The following STARD13 variants were observed in gnomAD, a reference collection of about 807,000 sequenced individuals.
STARD13 encodes the protein stAR-related lipid transfer protein 13.
In STARD13, 62 loss-of-function variants were observed where a neutral mutation model predicts 106.4. The ratio of observed to expected loss-of-function variants is 0.58; its 90% CI spans 0.48 to 0.72. The LOEUF is 0.72. Among genes scored for constraint, STARD13 ranks in the 30% least tolerant of loss-of-function variants. The probability of loss-of-function intolerance (pLI) is 0.00; values close to 1 mark genes in which losing one functional copy is unlikely to be tolerated. For synonymous variants in STARD13, 565 were observed against 553.0 expected (o/e 1.02, Z -0.31); for missense variants, 1,387 against 1,424.0 (o/e 0.97, Z 0.42).
chr13:33,453,230 A>C, the STARD13 span, among the ~76,000 whole-genome samples: 38 of 152,218 alleles, frequency 2.5e-4, no homozygotes, highest in Admixed American at 3.9e-4. Context: ...TAAAAACCAA[A>C]CAAACAAAAA....
chr13:33,227,022 C>A (rs558261970), intron 1 of STARD13, among the ~76,000 whole-genome samples: 42 of 152,296 alleles, frequency 2.8e-4, no homozygotes, highest in Admixed American at 2.7e-3. Context: ...GATTAAGAAC[C>A]TCTGCCCCAG....
At chr13:33,424,842 A>G in the STARD13 span, among the ~76,000 whole-genome samples, 1 of 152,234 alleles carries the variant, frequency 6.6e-6, no homozygotes, top group African/African-American at 2.4e-5. Context: ...TCTAACTTTG[A>G]GAAAACTTGC....
intron 1 of STARD13, among the ~76,000 whole-genome samples, chr13:33,192,007 C>A (rs909181947): frequency 2.6e-5 from 4 of 152,176 alleles, no homozygotes; most frequent in African/African-American, 4.8e-5. Context: ...GTGCACATGG[C>A]CTTGGATGGT....
chr13:33,414,046 A>G, the STARD13 span, among the ~76,000 whole-genome samples: 439 of 151,486 alleles, frequency 2.9e-3, 11 homozygotes, highest in Admixed American at 0.026. Context: ...AAAAAAAAAA[A>G]AAAAGAAAAG....
chr13:33,443,238 G>A, the STARD13 span, among the ~76,000 whole-genome samples: 2 of 151,964 alleles, frequency 1.3e-5, no homozygotes, highest in South Asian at 2.1e-4. Context: ...TTAGCCAGGC[G>A]TGGTGGCAGG....
chr13:33,517,941 C>A, the STARD13 span, among the ~76,000 whole-genome samples: 8 of 151,826 alleles, frequency 5.3e-5, no homozygotes, highest in Non-Finnish European at 1.0e-4. Context: ...TGGCTGCTCC[C>A]TGCCACACTC....
intron 1 of STARD13, among the ~76,000 whole-genome samples, chr13:33,342,914 G>T (rs540301359): frequency 6.6e-6 from 1 of 152,164 alleles, no homozygotes; most frequent in East Asian, 1.9e-4. Flanking sequence ...TAACCAAAGA[G>T]CCCCCCAGGA....
chr13:33,481,957 T>C, the STARD13 span, among the ~76,000 whole-genome samples: 1 of 143,180 alleles, frequency 7.0e-6, no homozygotes, highest in South Asian at 2.2e-4. Context: ...CACTCCAGCC[T>C]GGGCTACAGA....
intron 1 of STARD13, among the ~76,000 whole-genome samples, chr13:33,217,213 C>G (rs1888094092): frequency 1.3e-5 from 2 of 152,122 alleles, no homozygotes; most frequent in Non-Finnish European, 2.9e-5. Flanking sequence ...CCTATCATAG[C>G]CCACAGGACA....
intron 1 of STARD13, among the ~76,000 whole-genome samples, chr13:33,294,969 G>A (rs1298165061): frequency 6.6e-6 from 1 of 152,120 alleles, no homozygotes; most frequent in Non-Finnish European, 1.5e-5. Context: ...ACGATTGTCT[G>A]CTGACCTGTT....
chr13:33,165,374 C>A lies in STARD13; in HGVS notation c.286G>T (p.Asp96Tyr). 2 of 1,613,956 alleles carry A rather than the reference C, an allele frequency of 1.2e-6. No individual in the cohort carries two copies. The highest frequency in any genetic ancestry group is 1.7e-6 in the Non-Finnish European group (2 of 1,179,894). The change falls in exon 3 of 14, where the codon GAT becomes TAT. Residue 96 changes from aspartate to tyrosine, a missense_variant. By Grantham distance (160) the Asp-to-Tyr change is radical (BLOSUM62 -3). Coordinates refer to ENST00000336934, the MANE Select transcript of STARD13 (RefSeq NM_178006.4). ...TCTACAAGGTCCTTTTCAAGAAAAT[C>A]ATGATCATTCTTGACAGCCACAATG... is the stretch of plus-strand genomic sequence containing the variant. ...INIVAVKNDH[D>Y]FLEKDLVEPL...
chr13:33,484,090 A>G, the STARD13 span, among the ~76,000 whole-genome samples: 2 of 152,204 alleles, frequency 1.3e-5, no homozygotes, highest in Admixed American at 6.5e-5. Flanking sequence ...TGAGAAAATT[A>G]AGACAGTGGA....
chr13:33,287,906 G>GAAAAGGTA (rs1418350072), upstream of STARD13, among the ~76,000 whole-genome samples: 2 of 152,062 alleles, frequency 1.3e-5, no homozygotes, highest in Non-Finnish European at 2.9e-5. Flanking sequence ...TAAAGGTGAG[G>GAAAAGGTA]AAAAGGTAAA....
chr13:33,500,550 A>G, the STARD13 span, among the ~76,000 whole-genome samples: 3 of 152,160 alleles, frequency 2.0e-5, no homozygotes, highest in Non-Finnish European at 4.4e-5. Flanking sequence ...TGTATTAAAG[A>G]TGTTCAATGA....
At chr13:33,232,951 A>G (rs1171934111) in intron 1 of STARD13, among the ~76,000 whole-genome samples, 1 of 152,206 alleles carries the variant, frequency 6.6e-6, no homozygotes, top group Admixed American at 6.5e-5. Flanking sequence ...TGGCTGCAAC[A>G]CCTGATTAAA....
At chr13:33,414,746 G>C in the STARD13 span, among the ~76,000 whole-genome samples, 1 of 152,096 alleles carries the variant, frequency 6.6e-6, no homozygotes, top group Non-Finnish European at 1.5e-5. Flanking sequence ...CGATATCCTA[G>C]TTGTGATACT....
At chr13:33,303,154 C>A (rs112360258) in intron 1 of STARD13, among the ~76,000 whole-genome samples, 1,837 of 152,254 alleles carry the variant, frequency 0.012, 35 homozygotes, top group African/African-American at 0.041. Flanking sequence ...TGTACGCCAC[C>A]TACTCCTTCC....
chr13:33,571,782 T>C, the STARD13 span, among the ~76,000 whole-genome samples: 6 of 152,174 alleles, frequency 3.9e-5, no homozygotes, highest in African/African-American at 1.4e-4. Context: ...AACTGCTTGC[T>C]GTTTGACTAT....
chr13:33,219,825 A>AG (rs749162384), intron 1 of STARD13, among the ~76,000 whole-genome samples: 2 of 132,214 alleles, frequency 1.5e-5, no homozygotes, highest in Non-Finnish European at 3.3e-5. Flanking sequence ...AAAAAAAAAA[A>AG]AGAAAGAAAG....
Sources: allele counts gnomAD v4.1 joint callset (sites outside exome capture counted in the v4.1 genomes callset), GRCh38; gene constraint gnomAD v4.1.1; transcripts MANE v1.5; gene names NCBI Gene and HGNC (gene_info 2026-07-23, HGNC 2026-07-21).